Variants in HYCC1 observed in about 807,000 individuals in gnomAD.
The protein encoded by HYCC1 is hyccin.
the HYCC1 span, chr7:22,942,173 T>C: frequency 2.0e-5 from 3 of 152,206 alleles, no homozygotes; most frequent in African/African-American, 7.2e-5. Flanking sequence ...ACTGGGATCA[T>C]TTTGATCTAT....
At chr7:22,918,885 A>T in the HYCC1 span, among the ~76,000 whole-genome samples, 1 of 152,194 alleles carries the variant, frequency 6.6e-6, no homozygotes, top group Non-Finnish European at 1.5e-5. Context: ...TTATTGCTCA[A>T]AGAAAACTTG....
the HYCC1 span, among the ~76,000 whole-genome samples, chr7:22,896,222 G>GATGTTATGATACATAT: frequency 1.3e-5 from 2 of 152,330 alleles, no homozygotes; most frequent in Non-Finnish European, 2.9e-5. Flanking sequence ...TTATGATACA[G>GATGTTATGATACATAT]GAGAAAGGGA....
chr7:22,944,386 G>GC, the HYCC1 span: 1 of 152,036 alleles, frequency 6.6e-6, no homozygotes, highest in Non-Finnish European at 1.5e-5. Flanking sequence ...TTCAACTTCT[G>GC]CCATGTCGTC....
the HYCC1 span, chr7:22,976,606 T>C: frequency 1.2e-6 from 1 of 826,348 alleles, no homozygotes; most frequent in East Asian, 2.6e-5. Context: ...CACACACAAC[T>C]CATTAAACAT....
chr7:23,013,649 C>A, the HYCC1 span, among the ~76,000 whole-genome samples: 1 of 151,748 alleles, frequency 6.6e-6, no homozygotes. Flanking sequence ...AAAGCTGCCG[C>A]CCTCCAGGCA....
At chr7:22,975,046 C>T in the HYCC1 span, among the ~76,000 whole-genome samples, 9 of 152,244 alleles carry the variant, frequency 5.9e-5, no homozygotes, top group Admixed American at 3.3e-4. Flanking sequence ...TACCCAGTCT[C>T]GGGTATTTCT....
At chr7:22,925,338 C>T in the HYCC1 span, among the ~76,000 whole-genome samples, 2 of 152,150 alleles carry the variant, frequency 1.3e-5, no homozygotes, top group Non-Finnish European at 2.9e-5. Flanking sequence ...CGGAGAATAA[C>T]TTTGATGAGT....
chr7:22,962,174 T>TA, the HYCC1 span, among the ~76,000 whole-genome samples: 1 of 152,150 alleles, frequency 6.6e-6, no homozygotes, highest in Non-Finnish European at 1.5e-5. Context: ...CAGGTGCCTC[T>TA]AAGGAGAGAT....
the HYCC1 span, among the ~76,000 whole-genome samples, chr7:22,965,448 T>C: frequency 8.1e-4 from 123 of 151,502 alleles, no homozygotes; most frequent in African/African-American, 2.7e-3. Flanking sequence ...CTTTTTTTTT[T>C]TCAAGAAACT....
At chr7:22,962,299 A>G in the HYCC1 span, among the ~76,000 whole-genome samples, 5 of 152,186 alleles carry the variant, frequency 3.3e-5, no homozygotes, top group African/African-American at 1.2e-4. Context: ...AATCTCTAAA[A>G]GCACATACAA....
the HYCC1 span, among the ~76,000 whole-genome samples, chr7:22,918,904 T>A: frequency 6.6e-6 from 1 of 152,094 alleles, no homozygotes; most frequent in Non-Finnish European, 1.5e-5. Context: ...TGTTTGGTGG[T>A]CTCTTCACAT....
chr7:22,938,464 C>G, the HYCC1 span: 2 of 152,226 alleles, frequency 1.3e-5, no homozygotes, highest in Non-Finnish European at 2.9e-5. Flanking sequence ...GTGGCACTTT[C>G]TCTTACCACA....
chr7:22,983,646 C>T, the HYCC1 span: 4 of 342,900 alleles, frequency 1.2e-5, no homozygotes, highest in Admixed American at 4.3e-5. Context: ...CTAGCATAGC[C>T]GATGGCTCAT....
At chr7:23,006,191 A>G in the HYCC1 span, among the ~76,000 whole-genome samples, 2 of 152,342 alleles carry the variant, frequency 1.3e-5, no homozygotes, top group Admixed American at 1.3e-4. Context: ...ATTAAATGTT[A>G]ATTTATATTT....
the HYCC1 span, among the ~76,000 whole-genome samples, chr7:22,985,233 G>T: frequency 6.6e-6 from 1 of 152,230 alleles, no homozygotes; most frequent in African/African-American, 2.4e-5. Flanking sequence ...TATGGGTTAT[G>T]ATTAGTATAT....
the HYCC1 span, among the ~76,000 whole-genome samples, chr7:22,958,490 G>T: frequency 6.6e-6 from 1 of 152,060 alleles, no homozygotes; most frequent in African/African-American, 2.4e-5. Flanking sequence ...ATTGTGAAGG[G>T]GTACAGGTGA....
the HYCC1 span, among the ~76,000 whole-genome samples, chr7:22,917,685 C>T: frequency 2.6e-5 from 4 of 152,152 alleles, no homozygotes; most frequent in South Asian, 2.1e-4. Context: ...AGTCTGATAA[C>T]GGATTGGCCT....
At chr7:23,007,536 A>G in the HYCC1 span, among the ~76,000 whole-genome samples, 1 of 152,172 alleles carries the variant, frequency 6.6e-6, no homozygotes, top group Admixed American at 6.5e-5. Context: ...TTTTAGAGCC[A>G]ATCTATTTCA....
At chr7:22,914,951 C>T in the HYCC1 span, among the ~76,000 whole-genome samples, 101,592 of 152,080 alleles carry the variant, frequency 0.67, 33,899 homozygotes, top group African/African-American at 0.68. Context: ...AAGAGGTGGC[C>T]GGAGCTGAAG....
Sources: gnomAD v4.1 joint callset for allele counts (sites outside exome capture counted in the v4.1 genomes callset) on GRCh38, gnomAD v4.1.1 for gene constraint, MANE v1.5 for transcripts, NCBI Gene and HGNC (gene_info 2026-07-23, HGNC 2026-07-21) for gene names.